Variants in C17orf67 observed in about 807,000 individuals in gnomAD.
C17orf67 encodes the protein chromosome 17 open reading frame 67.
Under a neutral mutation model 11.2 loss-of-function variants are expected in C17orf67, and 12 were observed. The observed-to-expected ratio is 1.07, with a 90% confidence interval of 0.68 to 1.73. The LOEUF (loss-of-function observed/expected upper bound fraction) is 1.73. Among genes scored for constraint, C17orf67 ranks in the 40% most tolerant of loss-of-function variants. The pLI, the probability that C17orf67 is intolerant of heterozygous loss-of-function variation, is 0.00. For synonymous variants in C17orf67, 59 were observed against 46.9 expected, an observed-to-expected ratio of 1.26 and a Z score of -1.05; for missense variants, 115 against 113.5, an observed-to-expected ratio of 1.01 and a Z score of -0.06.
intron 6 of C17orf67, among the ~76,000 whole-genome samples, chr17:56,811,794 T>C (rs1164931475): frequency 2.0e-5 from 3 of 152,246 alleles, no homozygotes; most frequent in African/African-American, 7.2e-5. Context: ...TCTTTTTGTC[T>C]AAACAACTAA....
At chr17:56,801,911 G>A (rs1005768901) in intron 6 of C17orf67, among the ~76,000 whole-genome samples, 2 of 152,182 alleles carry the variant, frequency 1.3e-5, no homozygotes, top group African/African-American at 4.8e-5. Flanking sequence ...TTGCTGGCCT[G>A]TTTGCCAGAC....
At chr17:56,811,474 C>T (rs933859993) in intron 6 of C17orf67, among the ~76,000 whole-genome samples, 5 of 152,076 alleles carry the variant, frequency 3.3e-5, no homozygotes, top group Admixed American at 3.3e-4. Context: ...AGTTGGAGCT[C>T]GAGACTCTCT....
intron 7 of C17orf67, among the ~76,000 whole-genome samples, chr17:56,793,111 C>A (rs1357161473): frequency 6.6e-6 from 1 of 151,930 alleles, no homozygotes; most frequent in Non-Finnish European, 1.5e-5. Flanking sequence ...ATCCAGCTAT[C>A]ATTTTCTGAG....
At chr17:56,821,004 G>A (rs1482560659) in intron 4 of C17orf67, among the ~76,000 whole-genome samples, 2 of 152,074 alleles carry the variant, frequency 1.3e-5, no homozygotes, top group Admixed American at 6.5e-5. Flanking sequence ...CACCCTCCTG[G>A]GTTCCAATGA....
chr17:56,811,372 C>G (rs765263447), intron 6 of C17orf67, among the ~76,000 whole-genome samples: 4 of 152,206 alleles, frequency 2.6e-5, no homozygotes, highest in Non-Finnish European at 5.9e-5. Context: ...ATCCCTACCC[C>G]CTGCCCTGCC....
intron 6 of C17orf67, among the ~76,000 whole-genome samples, chr17:56,812,273 A>T (rs1284085484): frequency 6.6e-6 from 1 of 152,206 alleles, no homozygotes; most frequent in Non-Finnish European, 1.5e-5. Context: ...ATTTTGGGCC[A>T]GAGGGTGGTG....
At chr17:56,801,620 A>T (rs896013228) in intron 6 of C17orf67, among the ~76,000 whole-genome samples, 2 of 152,082 alleles carry the variant, frequency 1.3e-5, no homozygotes, top group African/African-American at 4.8e-5. Flanking sequence ...GTGTTCTGGC[A>T]GGGAGTCTCT....
chr17:56,830,418 T>C (rs903335790), intron 2 of C17orf67, among the ~76,000 whole-genome samples: 5 of 152,098 alleles, frequency 3.3e-5, no homozygotes, highest in South Asian at 2.1e-4. Context: ...AGGGAATGTT[T>C]AAAGAGAAAT....
In C17orf67 at chr17:56,816,356, A is replaced by G. The variant is rs115384709; in HGVS notation, c.-200-346T>C. On this transcript the variant is annotated intron_variant, in intron 4 of 7. Transcript: ENST00000397861. ...AAACAGAGTTCAAATCCTAGCTTCA[A>G]TTTTTTCTAGCAATGTAGCCTTAGG... Among the ~76,000 whole-genome samples, 1,341 of 152,178 alleles carry G rather than the reference A, an allele frequency of 8.8e-3. 15 individuals are homozygous for G. Among genetic ancestry groups the G allele is most frequent in the African/African-American group, 0.021 (859 of 41,516 alleles).
At chr17:56,833,541 CCT>C (rs1162247205) in intron 1 of C17orf67, 75 bp downstream of exon 1, 2 of 150,416 alleles carry the variant, frequency 1.3e-5, no homozygotes, top group African/African-American at 2.4e-5. Context: ...CCCCGCTCGC[CCT>C]CGGCCTCCGC....
At position 56,818,157 on chromosome 17, in the gene C17orf67, A is replaced by T. The variant is rs568757903; in HGVS notation, c.-200-2147T>A. ...ACACGTGCAGCTAGTAGCATTATTT[A>T]AAAAAAAAAAAAAGAAAAAAGAAAA... is the stretch of plus-strand genomic sequence containing the variant. On this transcript the variant is annotated intron_variant, in intron 4 of 7. Coordinates refer to ENST00000397861, the MANE Select transcript of C17orf67 (RefSeq NM_001085430.4). Among the ~76,000 whole-genome samples, 234 of 140,390 alleles carry T rather than the reference A, an allele frequency of 1.7e-3. 4 individuals carry two copies. In the Middle Eastern group the frequency reaches 0.036, roughly 22 times the overall value. The allele number at this position is 140,390 out of a possible 152,430, so 92.1% of individuals were successfully genotyped here.
Position 56,795,166 on chromosome 17 carries a change from G to C in C17orf67, c.171C>G (p.His57Gln), listed in dbSNP as rs1395953999. Residue 57 changes from histidine to glutamine, a missense_variant, in exon 7 of 8, where the codon CAC becomes CAG. Physicochemically the swap from His to Gln is conservative, Grantham distance 24. Transcript: ENST00000397861. Reference sequence around the variant, plus strand: ...CAGCGCGATGCTCCAGGGCGAGCAGGTGGTGCATGTATTCCTGTCAAAACA... The same window carrying C: ...CAGCGCGATGCTCCAGGGCGAGCAGCTGGTGCATGTATTCCTGTCAAAACA... ...PDEPMREYMH[H>Q]LLALEHRAEE... is the part of the protein sequence containing the mutation. The C allele has an allele frequency of 6.2e-7, 1 of 1,614,128 alleles. No homozygotes were observed. The highest frequency in any genetic ancestry group is 1.7e-5 in the Admixed American group (1 of 60,026).
chr17:56,832,100 C>T (rs1218504844), intron 2 of C17orf67, among the ~76,000 whole-genome samples: 1 of 152,128 alleles, frequency 6.6e-6, no homozygotes. Context: ...GCACTCACCA[C>T]GATGCCCAGC....
chr17:56,814,915 C>G lies in C17orf67; in HGVS notation c.110G>C (p.Arg37Pro). The G allele has an allele frequency of 6.8e-6, 11 of 1,614,052 alleles. No homozygotes were observed. Among genetic ancestry groups the G allele is most frequent in the Non-Finnish European group, 9.3e-6 (11 of 1,179,984 alleles). Residue 37 changes from arginine (R) to proline (P), a missense_variant, in exon 6 of 8, where the codon CGA becomes CCA. Coordinates refer to ENST00000397861, the MANE Select transcript of C17orf67 (RefSeq NM_001085430.4). ...KQAKQLLRSR[R>P]QDRPSKPGFP... is the part of the protein sequence containing the mutation. ...TCCGGGTTTGCTTGGTCTATCCTGT[C>G]GCCGAGATCTTAGGAGCTGTTTGGC... is the stretch of plus-strand genomic sequence containing the variant.
chr17:56,810,559 T>C (rs1905597881), intron 6 of C17orf67, among the ~76,000 whole-genome samples: 1 of 152,220 alleles, frequency 6.6e-6, no homozygotes, highest in Non-Finnish European at 1.5e-5. Context: ...AAGGGACATC[T>C]GTGCGCAGCT....
At chr17:56,820,947 T>C (rs942301862) in intron 4 of C17orf67, among the ~76,000 whole-genome samples, 2 of 152,144 alleles carry the variant, frequency 1.3e-5, no homozygotes, top group Non-Finnish European at 2.9e-5. Flanking sequence ...TCTTGCTCTG[T>C]CGCCCAGGCT....
Position 56,803,031 on chromosome 17 carries a change from C to T in C17orf67, c.157-7851G>A, listed in dbSNP as rs190982092. On this transcript the variant is annotated intron_variant, in intron 6 of 7. Coordinates refer to ENST00000397861, the MANE Select transcript of C17orf67 (RefSeq NM_001085430.4). ...CGTATCCTTCCCCACCACGCACTTA[C>T]AGTACGAAAATAAAAATAAAACATT... Among the ~76,000 whole-genome samples the T allele has an allele frequency of 9.1e-4, 138 of 152,320 alleles. 3 individuals carry two copies. The highest frequency in any genetic ancestry group is 2.0e-4 in the Admixed American group (3 of 15,298).
chr17:56,793,457 A>C (rs1905155043), intron 7 of C17orf67, among the ~76,000 whole-genome samples: 1 of 152,232 alleles, frequency 6.6e-6, no homozygotes, highest in Admixed American at 6.5e-5. Flanking sequence ...ACCAAGAATC[A>C]GAGGCCTCAG....
chr17:56,813,137 G>A (rs1905671381), intron 6 of C17orf67, among the ~76,000 whole-genome samples: 1 of 152,042 alleles, frequency 6.6e-6, no homozygotes, highest in African/African-American at 2.4e-5. Context: ...GCCCCTGCCG[G>A]GTCCCTGAGG....
Sources: gnomAD v4.1 joint callset for allele counts (sites outside exome capture counted in the v4.1 genomes callset) on GRCh38, gnomAD v4.1.1 for gene constraint, MANE v1.5 for transcripts, NCBI Gene and HGNC (gene_info 2026-07-23, HGNC 2026-07-21) for gene names.